UGP2: variants seen among roughly 807,000 people sequenced by gnomAD.
The protein encoded by UGP2 is UTP--glucose-1-phosphate uridylyltransferase.
A neutral mutation model predicts 49.0 loss-of-function variants in UGP2; 40 were observed. The ratio of observed to expected loss-of-function variants is 0.82; its 90% CI spans 0.63 to 1.06. The LOEUF is 1.06. Ranked by LOEUF, UGP2 falls within the 50% of genes least tolerant of loss-of-function variation. The pLI is 0.00. For missense variants in UGP2, 460 were observed against 603.5 expected (o/e 0.76, Z 2.49); for synonymous variants, 225 against 213.0 (o/e 1.06, Z -0.49).
intron 3 of UGP2, among the ~76,000 whole-genome samples, chr2:63,870,549 A>AGTGG (rs1670481067): frequency 6.6e-6 from 1 of 152,246 alleles, no homozygotes; most frequent in African/African-American, 2.4e-5. Context: ...GAATTAAAGT[A>AGTGG]GTGGGTGGTT....
intron 1 of UGP2, chr2:63,856,053 C>T (rs932383817): frequency 1.1e-4 from 35 of 321,860 alleles, no homozygotes; most frequent in Admixed American, 9.3e-5. Context: ...AAAATGAAAA[C>T]GTCGATACAG....
chr2:63,865,027 C>T (rs1670085453), intron 3 of UGP2, among the ~76,000 whole-genome samples: 3 of 152,290 alleles, frequency 2.0e-5, no homozygotes, highest in South Asian at 2.1e-4. Context: ...AGGCTTACCC[C>T]CAACAGTCAC....
In UGP2 at chr2:63,871,349, A is replaced by T. The variant is rs543604970; in HGVS notation, c.256-11117A>T. Among the ~76,000 whole-genome samples, 5 of 152,064 alleles carry T rather than the reference A, an allele frequency of 3.3e-5. No individual in the cohort carries two copies. The South Asian group carries it at 1.0e-3, about 32-fold the overall frequency. On this transcript the variant is annotated intron_variant, in intron 3 of 9. Coordinates refer to ENST00000337130, the MANE Select transcript of UGP2 (RefSeq NM_006759.4). ...TGCCCAGGCTGGAGTGCAGTGGTGCAATCTTGGCTCACCGTAACCTCTGCC... is the reference window on the plus strand; with the variant it reads ...TGCCCAGGCTGGAGTGCAGTGGTGCTATCTTGGCTCACCGTAACCTCTGCC...
At chr2:63,845,094 A>G (rs1558929841) in intron 1 of UGP2, among the ~76,000 whole-genome samples, 1 of 152,264 alleles carries the variant, frequency 6.6e-6, no homozygotes, top group Admixed American at 6.5e-5. Flanking sequence ...AGCATTTTCC[A>G]TCTACTATTT....
chr2:63,879,153 T>G (rs981645038), intron 3 of UGP2, among the ~76,000 whole-genome samples: 12 of 152,284 alleles, frequency 7.9e-5, no homozygotes, highest in South Asian at 4.1e-4. Flanking sequence ...CTGTAAAGAT[T>G]AGAATTAAGG....
intron 3 of UGP2, among the ~76,000 whole-genome samples, chr2:63,879,925 G>C (rs956513152): frequency 6.6e-6 from 1 of 152,108 alleles, no homozygotes; most frequent in African/African-American, 2.4e-5. Flanking sequence ...CATGAACTAG[G>C]AGTTTTCGGT....
intron 3 of UGP2, among the ~76,000 whole-genome samples, chr2:63,872,432 G>A (rs1670619918): frequency 6.6e-6 from 1 of 152,158 alleles, no homozygotes. Flanking sequence ...TATTTACTGT[G>A]GGGCCAGGCA....
chr2:63,851,956 A>G (rs993199045), intron 1 of UGP2, among the ~76,000 whole-genome samples: 7 of 152,220 alleles, frequency 4.6e-5, no homozygotes, highest in Non-Finnish European at 1.0e-4. Flanking sequence ...TTATGTGAGT[A>G]GAAAAAATAC....
At position 63,885,621 on chromosome 2, in the gene UGP2, C is replaced by T. The variant is rs2104360284; in HGVS notation, c.608C>T (p.Pro203Leu). Residue 203 changes from proline to leucine, a missense_variant, in exon 6 of 10, where the codon CCT (proline) becomes CTT (leucine). Pro to Leu is a moderately conservative substitution (Grantham distance 98). Coordinates refer to ENST00000337130, the MANE Select transcript of UGP2 (RefSeq NM_006759.4). ...YPRINKESLL[P>L]VAKDVSYSGE... The stretch of plus-strand genomic sequence containing the variant: ...AGGATTAATAAAGAATCTTTACTTC[C>T]TGTAGCAAAGGACGTGTCTTACTCA... 6.4e-7 allele frequency: 1 copy of T among 1,569,594 alleles called. No homozygotes were observed. The highest frequency in any genetic ancestry group is 2.0e-5 in the Admixed American group (1 of 49,078).
chr2:63,873,159 A>G (rs902181883), intron 3 of UGP2, among the ~76,000 whole-genome samples: 2 of 152,240 alleles, frequency 1.3e-5, no homozygotes, highest in Admixed American at 1.3e-4. Context: ...AACTAACAGA[A>G]CAAAAGTTGT....
chr2:63,852,553 T>C (rs991926330), intron 1 of UGP2, among the ~76,000 whole-genome samples: 5 of 152,212 alleles, frequency 3.3e-5, no homozygotes, highest in Non-Finnish European at 7.3e-5. Context: ...CCATAGGCAA[T>C]GAGAATTTCA....
Position 63,856,382 on chromosome 2 carries a change from G to T in UGP2, c.96G>T (p.Val32=), listed in dbSNP as rs375759755. Residue 32 remains valine (V), a synonymous_variant, in exon 2 of 10, where the codon GTG becomes GTT. Coordinates refer to ENST00000337130, the MANE Select transcript of UGP2 (RefSeq NM_006759.4). The part of the protein sequence containing the change: ...EVIRQELELS[V]KKELEKILTT... ...TTCGGCAAGAGCTAGAATTATCTGTGAAGAAGGAACTAGAAAAAATACTCA... is the reference window on the plus strand; with the variant it reads ...TTCGGCAAGAGCTAGAATTATCTGTTAAGAAGGAACTAGAAAAAATACTCA... The T allele has an allele frequency of 1.2e-6, 2 of 1,613,586 alleles. No individual in the cohort carries two copies. Among genetic ancestry groups the T allele is most frequent in the African/African-American group, 2.7e-5 (2 of 74,888 alleles).
chr2:63,870,717 A>G (rs1343926195), intron 3 of UGP2, among the ~76,000 whole-genome samples: 1 of 152,230 alleles, frequency 6.6e-6, no homozygotes, highest in Non-Finnish European at 1.5e-5. Flanking sequence ...AGTGCTGCCA[A>G]CGCTGGGGAG....
chr2:63,842,604 GT>G lies in UGP2; in HGVS notation c.19+404del, dbSNP rs1313833841. 2.1e-6 allele frequency: 3 copies of G among 1,456,666 alleles called. No individual in the cohort carries two copies. The South Asian group carries it at 4.2e-5, about 20-fold the overall frequency. 90.2% of individuals were successfully genotyped at this position (1,456,666 alleles called of 1,614,324 possible). On this transcript the variant is annotated intron_variant, in intron 1 of 9. Coordinates refer to ENST00000337130, the MANE Select transcript of UGP2 (RefSeq NM_006759.4). ...GGGAGGACTGAGAAAAGCCGGGTGG[GT>G]TTTGCCGGGACTGTTGGGGAAGCTT...
chr2:63,845,519 TA>T (rs11392263), intron 1 of UGP2, among the ~76,000 whole-genome samples: 23,747 of 139,452 alleles, frequency 0.17, 2,226 homozygotes, highest in Non-Finnish European at 0.21. Flanking sequence ...GTTATTATGT[TA>T]AAAAAAAAAA....
At chr2:63,849,929 C>T (rs1382583558) in intron 1 of UGP2, among the ~76,000 whole-genome samples, 1 of 152,190 alleles carries the variant, frequency 6.6e-6, no homozygotes, top group Non-Finnish European at 1.5e-5. Flanking sequence ...GGCAGGACTA[C>T]CGGATCATTT....
chr2:63,880,974 A>G (rs1558958102), intron 3 of UGP2, among the ~76,000 whole-genome samples: 1 of 152,206 alleles, frequency 6.6e-6, no homozygotes, highest in East Asian at 1.9e-4. Context: ...AAAGCTACTT[A>G]GCAGCACTTA....
chr2:63,857,300 CAA>C (rs1403972100), intron 2 of UGP2, among the ~76,000 whole-genome samples: 26 of 109,872 alleles, frequency 2.4e-4, no homozygotes, highest in Non-Finnish European at 1.6e-4. Context: ...GACTCTGTCT[CAA>C]AAAAAAAAAA....
At chr2:63,867,002 T>G (rs1670228623) in intron 3 of UGP2, among the ~76,000 whole-genome samples, 1 of 152,248 alleles carries the variant, frequency 6.6e-6, no homozygotes. Context: ...TTTTTATTTT[T>G]AACACCATTT....
Sources: gnomAD v4.1 joint callset for allele counts (sites outside exome capture counted in the v4.1 genomes callset) on GRCh38, gnomAD v4.1.1 for gene constraint, MANE v1.5 for transcripts, NCBI Gene and HGNC (gene_info 2026-07-23, HGNC 2026-07-21) for gene names.